The following METTL15 variants were observed in gnomAD, a reference collection of about 807,000 sequenced individuals.
The protein encoded by METTL15 is 12S rRNA N(4)-cytidine methyltransferase METTL15.
In METTL15, 34 loss-of-function variants were observed where a neutral mutation model predicts 38.3. The observed-to-expected ratio is 0.89, with a 90% CI of 0.68 to 1.18. The LOEUF (loss-of-function observed/expected upper bound fraction) is 1.18, where lower values mean the gene tolerates loss of function less well. Ranked by LOEUF, METTL15 falls within the 50% of genes most tolerant of loss-of-function variation. The pLI, the probability that METTL15 is intolerant of heterozygous loss-of-function variation, is 0.00. For synonymous variants in METTL15, 162 were observed against 170.9 expected (o/e 0.95, Z 0.41); for missense variants, 438 against 498.4 (o/e 0.88, Z 1.15).
intron 6 of METTL15, among the ~76,000 whole-genome samples, chr11:28,498,839 A>G (rs2133488124): frequency 6.6e-6 from 1 of 152,300 alleles, no homozygotes; most frequent in African/African-American, 2.4e-5. Context: ...CTTGCCTTAA[A>G]GTTTTTACTG....
intron 2 of METTL15, among the ~76,000 whole-genome samples, chr11:28,110,991 G>A (rs1027001952): frequency 4.6e-5 from 7 of 152,290 alleles, no homozygotes; most frequent in Non-Finnish European, 1.0e-4. Flanking sequence ...GACTGCAGGA[G>A]AGCTCCAAGT....
intron 4 of METTL15, among the ~76,000 whole-genome samples, chr11:28,221,522 C>T (rs561371427): frequency 6.6e-5 from 10 of 152,190 alleles, no homozygotes; most frequent in East Asian, 1.9e-4. Flanking sequence ...TCCTTTAGCT[C>T]GGAGAAGTTT....
At chr11:28,154,389 G>C (rs759208312) in intron 3 of METTL15, among the ~76,000 whole-genome samples, 3 of 151,964 alleles carry the variant, frequency 2.0e-5, no homozygotes, top group Non-Finnish European at 4.4e-5. Flanking sequence ...TGCCATGAAC[G>C]TGTTCTGTAA....
chr11:28,351,311 A>G (rs1175398807), intron 3 of METTL15, among the ~76,000 whole-genome samples: 1 of 152,036 alleles, frequency 6.6e-6, no homozygotes, highest in East Asian at 1.9e-4. Context: ...GGGTTTCACT[A>G]TGTTGCCCAG....
intron 5 of METTL15, among the ~76,000 whole-genome samples, chr11:28,373,015 A>G (rs1031899453): frequency 2.0e-5 from 3 of 151,944 alleles, no homozygotes; most frequent in South Asian, 2.1e-4. Flanking sequence ...AATCCAGTCT[A>G]TCATTATTGG....
chr11:28,376,199 T>A (rs2133379952), intron 5 of METTL15, among the ~76,000 whole-genome samples: 1 of 152,158 alleles, frequency 6.6e-6, no homozygotes, highest in East Asian at 1.9e-4. Context: ...GGTGCAGAGC[T>A]GAGTTCAATT....
chr11:28,353,535 G>A (rs1204488107), intron 4 of METTL15, among the ~76,000 whole-genome samples: 1 of 152,194 alleles, frequency 6.6e-6, no homozygotes, highest in East Asian at 1.9e-4. Context: ...GGTAGCCAGT[G>A]AATGAAGGAA....
intron 6 of METTL15, among the ~76,000 whole-genome samples, chr11:28,507,441 A>C (rs1304580840): frequency 2.0e-5 from 3 of 149,804 alleles, no homozygotes; most frequent in Admixed American, 2.0e-4. Context: ...CCCTCCTCCA[A>C]CACAGGGGAT....
Position 28,330,894 on chromosome 11 carries a change from A to G in METTL15, c.*53A>G. 1 of 1,356,460 alleles carries G rather than the reference A, an allele frequency of 7.4e-7. No individual in the cohort carries two copies. Among genetic ancestry groups the G allele is most frequent in the Non-Finnish European group, 1.0e-6 (1 of 1,002,164 alleles). 84.0% of individuals were successfully genotyped at this position (1,356,460 alleles called of 1,614,324 possible). On this transcript the variant is annotated 3_prime_UTR_variant, in exon 7 of 7. Coordinates refer to ENST00000407364, the MANE Select transcript of METTL15 (RefSeq NM_001113528.2). ...TTTTCTCACAATTTCTCTAATCTTT[A>G]CTCATGTTATGTCCCTGAATGTCTT...
intron 4 of METTL15, among the ~76,000 whole-genome samples, chr11:28,251,002 C>T (rs982801622): frequency 1.3e-5 from 2 of 151,982 alleles, no homozygotes; most frequent in African/African-American, 2.4e-5. Context: ...ACTATCAGAT[C>T]TGGATTTTTC....
intron 6 of METTL15, among the ~76,000 whole-genome samples, chr11:28,321,711 T>C (rs1402167345): frequency 2.6e-5 from 4 of 151,978 alleles, no homozygotes; most frequent in Non-Finnish European, 5.9e-5. Context: ...CAAGATAATT[T>C]TGAAAAGAAT....
intron 4 of METTL15, among the ~76,000 whole-genome samples, chr11:28,224,373 A>G (rs1853383201): frequency 6.6e-6 from 1 of 151,952 alleles, no homozygotes; most frequent in Non-Finnish European, 1.5e-5. Context: ...AGCCTGATAT[A>G]TCTTTCCACT....
rs1272204029 is a variant in METTL15, at chr11:28,296,918, C to A, written c.765C>A (p.Ala255=). The A allele has an allele frequency of 6.2e-7, 1 of 1,613,330 alleles. No homozygotes were observed. Among genetic ancestry groups the A allele is most frequent in the African/African-American group, 1.3e-5 (1 of 74,844 alleles). ...IYPITRTQQL[A]SIVAGAFPPS... ...CCATCACCAGAACCCAGCAGCTTGC[C>A]AGCATCGTTGCAGGTAGCCTCATTA... is the stretch of plus-strand genomic sequence containing the variant. Residue 255 remains alanine, a synonymous_variant, in exon 6 of 7, where the codon GCC becomes GCA. Transcript: ENST00000407364.
At chr11:28,417,422 A>G (rs938404228) in intron 5 of METTL15, among the ~76,000 whole-genome samples, 5 of 152,220 alleles carry the variant, frequency 3.3e-5, no homozygotes, top group South Asian at 4.1e-4. Context: ...TTGGATGGCA[A>G]TTATTTGATT....
chr11:28,203,029 T>C (rs1437510744), intron 3 of METTL15, among the ~76,000 whole-genome samples: 1 of 152,060 alleles, frequency 6.6e-6, no homozygotes, highest in African/African-American at 2.4e-5. Flanking sequence ...AATGCCTTGA[T>C]TTCTGTCAAT....
Position 28,440,536 on chromosome 11 carries a change from A to G in METTL15, c.*424+16172A>G, listed in dbSNP as rs1226776882. On this transcript the variant is annotated intron_variant and NMD_transcript_variant, in intron 6 of 7. Transcript: ENST00000532947. ...TTTCTCAAAGTCACCTAATTGCTGC[A>G]TGATTTGAAAAAGCTGATTAACCTT... is the stretch of plus-strand genomic sequence containing the variant. Among the ~76,000 whole-genome samples, 13 of 152,354 alleles carry G rather than the reference A, an allele frequency of 8.5e-5. No homozygotes were observed. The East Asian group carries it at 2.3e-3, about 27-fold the overall frequency.
chr11:28,338,953 A>G (rs908968931), intron 3 of METTL15, among the ~76,000 whole-genome samples: 1 of 152,144 alleles, frequency 6.6e-6, no homozygotes, highest in African/African-American at 2.4e-5. Flanking sequence ...AGGTTAGATC[A>G]GCATTTGTAG....
At chr11:28,144,314 C>T (rs1328058341) in intron 3 of METTL15, among the ~76,000 whole-genome samples, 2 of 152,082 alleles carry the variant, frequency 1.3e-5, no homozygotes, top group Non-Finnish European at 2.9e-5. Context: ...ATGACTTTGA[C>T]CTCTCTGTCA....
intron 3 of METTL15, among the ~76,000 whole-genome samples, chr11:28,176,868 A>T (rs564773223): frequency 6.6e-6 from 1 of 152,278 alleles, no homozygotes; most frequent in Non-Finnish European, 1.5e-5. Context: ...GCCTGGCAAG[A>T]AATACACACT....
Sources: allele counts gnomAD v4.1 joint callset (sites outside exome capture counted in the v4.1 genomes callset), GRCh38; gene constraint gnomAD v4.1.1; transcripts MANE v1.5; gene names NCBI Gene and HGNC (gene_info 2026-07-23, HGNC 2026-07-21).